FNBP1: variants seen among roughly 807,000 people sequenced by gnomAD.
FNBP1 encodes the protein formin binding protein 1, also known as formin-binding protein 1.
In FNBP1, 26 loss-of-function variants were observed where a neutral mutation model predicts 90.6. The observed-to-expected ratio is 0.29, with a 90% CI of 0.21 to 0.40. The LOEUF is 0.40. FNBP1 is among the 10% of genes least tolerant of loss of function. FNBP1 has a pLI of 1.00. For synonymous variants in FNBP1, 260 were observed against 265.2 expected, an observed-to-expected ratio of 0.98 and a Z score of 0.19; for missense variants, 635 against 768.0, an observed-to-expected ratio of 0.83 and a Z score of 2.05.
In FNBP1 at chr9:130,022,669, C is replaced by CT. The variant is rs935789341; in HGVS notation, c.24+20282dup. The stretch of plus-strand genomic sequence containing the variant: ...TTTCACACAAATACCAACACTCGCT[C>CT]TTTTTTTTTTTGAGACAGGGTTTCA... On this transcript the variant is annotated intron_variant, in intron 1 of 16. Coordinates refer to ENST00000446176, the MANE Select transcript of FNBP1 (RefSeq NM_015033.3). Among the ~76,000 whole-genome samples the CT allele has an allele frequency of 2.3e-3, 333 of 147,446 alleles. 1 individual carries two copies. The highest frequency in any genetic ancestry group is 7.2e-3 in the Middle Eastern group (2 of 278).
intron 12 of FNBP1, among the ~76,000 whole-genome samples, chr9:129,905,313 T>TATATATATATATATATATATA (rs1554766990): frequency 2.1e-5 from 3 of 145,592 alleles, no homozygotes; most frequent in Admixed American, 7.0e-5. Flanking sequence ...TATATATATA[T>TATATATATATATATATATATA]TTTGTTAATT....
At chr9:129,924,822 C>G (rs1400784025) in intron 9 of FNBP1, 138 bp downstream of exon 9, 2 of 739,598 alleles carry the variant, frequency 2.7e-6, no homozygotes, top group Non-Finnish European at 4.4e-6. Context: ...GAAATACTGT[C>G]TCAACATAAG....
intron 1 of FNBP1, among the ~76,000 whole-genome samples, chr9:130,034,228 G>A (rs1477586334): frequency 2.0e-5 from 3 of 151,236 alleles, no homozygotes; most frequent in Non-Finnish European, 4.4e-5. Flanking sequence ...CAGGAGGATC[G>A]CTTGAACTCG....
intron 16 of FNBP1, among the ~76,000 whole-genome samples, chr9:129,893,637 A>AAAAAAAAACG (rs56397008): frequency 1.6e-5 from 1 of 62,224 alleles, no homozygotes; most frequent in Non-Finnish European, 2.6e-5. Flanking sequence ...AAAAAAAAAA[A>AAAAAAAAACG]GCCAGGCACG....
chr9:130,033,496 A>G (rs2058991772), intron 1 of FNBP1, among the ~76,000 whole-genome samples: 2 of 152,178 alleles, frequency 1.3e-5, no homozygotes, highest in South Asian at 2.1e-4. Flanking sequence ...GCTATAGATA[A>G]TAGAGAAAGT....
chr9:130,022,186 A>T (rs1437668781), intron 1 of FNBP1, among the ~76,000 whole-genome samples: 2 of 151,878 alleles, frequency 1.3e-5, no homozygotes. Context: ...ATTTGAGGTG[A>T]AATTCATCTA....
At chr9:129,988,904 C>G (rs1406520532) in intron 2 of FNBP1, among the ~76,000 whole-genome samples, 2 of 152,160 alleles carry the variant, frequency 1.3e-5, no homozygotes, top group Non-Finnish European at 2.9e-5. Flanking sequence ...GCATTCTCCC[C>G]TGCAATGCAG....
intron 1 of FNBP1, among the ~76,000 whole-genome samples, chr9:130,018,165 C>T (rs1241724933): frequency 6.6e-6 from 1 of 151,498 alleles, no homozygotes; most frequent in Non-Finnish European, 1.5e-5. Context: ...CCACCCACCT[C>T]GGCCTCCCAA....
intron 1 of FNBP1, among the ~76,000 whole-genome samples, chr9:130,040,388 G>A (rs888268919): frequency 6.6e-6 from 1 of 152,148 alleles, no homozygotes; most frequent in African/African-American, 2.4e-5. Context: ...GGAGGCTGAG[G>A]CAGGCGGATT....
intron 16 of FNBP1, among the ~76,000 whole-genome samples, chr9:129,893,067 T>C (rs1047254963): frequency 1.3e-5 from 2 of 152,212 alleles, no homozygotes; most frequent in African/African-American, 2.4e-5. Flanking sequence ...TTTCAGTGGT[T>C]AGTTTGCTTT....
chr9:129,894,575 G>C (rs2035447316), intron 16 of FNBP1, among the ~76,000 whole-genome samples: 1 of 152,194 alleles, frequency 6.6e-6, no homozygotes, highest in African/African-American at 2.4e-5. Context: ...GTGTCTGTGG[G>C]GAGAAGCATT....
intron 1 of FNBP1, chr9:130,013,902 C>A (rs12001001): frequency 0.025 from 10,835 of 436,112 alleles, 299 homozygotes; most frequent in African/African-American, 0.085. Flanking sequence ...TCAACTGGTG[C>A]CAGCACCATA....
chr9:130,002,516 C>G (rs1191483926), intron 1 of FNBP1, among the ~76,000 whole-genome samples: 4 of 152,228 alleles, frequency 2.6e-5, no homozygotes, highest in East Asian at 1.9e-4. Flanking sequence ...AGCACCTCCC[C>G]CCTCTCTATT....
chr9:129,905,220 CAT>C (rs554731228), intron 12 of FNBP1, among the ~76,000 whole-genome samples: 432 of 150,710 alleles, frequency 2.9e-3, no homozygotes, highest in Non-Finnish European at 4.3e-3. Context: ...AATCTTTCCA[CAT>C]GTTTATCAAC....
chr9:130,043,002 CGCGCGGCGG>C lies in FNBP1; in HGVS notation c.-36_-28del, dbSNP rs560501057. 367 of 1,225,082 alleles carry C rather than the reference CGCGCGGCGG, an allele frequency of 3.0e-4. 2 individuals are homozygous for C. In the African/African-American group the frequency reaches 5.5e-3, roughly 18 times the overall value. The allele number at this position is 1,225,082 out of a possible 1,614,324, so 75.9% of individuals were successfully genotyped here. On this transcript the variant is annotated 5_prime_UTR_variant, in exon 1 of 17. Coordinates refer to ENST00000446176, the MANE Select transcript of FNBP1 (RefSeq NM_015033.3). The stretch of plus-strand genomic sequence containing the variant: ...GTGCAGGGGACGCGAAGGGGCGCTC[CGCGCGGCGG>C]GCGCGGCTCTCTGGTCCCCCTCCCC...
intron 4 of FNBP1, among the ~76,000 whole-genome samples, chr9:129,959,694 A>C (rs1412657379): frequency 6.6e-6 from 1 of 152,200 alleles, no homozygotes; most frequent in African/African-American, 2.4e-5. Flanking sequence ...AACTGCTTTG[A>C]GATATGATTC....
chr9:129,895,413 C>T, intron 16 of FNBP1: 1 of 1,095,450 alleles, frequency 9.1e-7, no homozygotes, highest in Non-Finnish European at 1.1e-6. Context: ...CCTAATGTAG[C>T]TCAGTGTATG....
upstream of FNBP1, among the ~76,000 whole-genome samples, chr9:130,047,116 G>A (rs368251667): frequency 2.1e-4 from 32 of 152,054 alleles, no homozygotes; most frequent in African/African-American, 7.0e-4. Flanking sequence ...GGTGAAGTGC[G>A]AGGCTGCAGT....
intron 15 of FNBP1, among the ~76,000 whole-genome samples, chr9:129,896,478 G>A (rs543008443): frequency 3.3e-5 from 5 of 152,152 alleles, no homozygotes; most frequent in Non-Finnish European, 7.4e-5. Flanking sequence ...CCACCTCCCC[G>A]GTTCAAGCGA....
Sources: gnomAD v4.1 joint callset for allele counts (sites outside exome capture counted in the v4.1 genomes callset) on GRCh38, gnomAD v4.1.1 for gene constraint, MANE v1.5 for transcripts, NCBI Gene and HGNC (gene_info 2026-07-23, HGNC 2026-07-21) for gene names.